The following GOLM1 variants were observed in gnomAD, a reference collection of about 807,000 sequenced individuals.
GOLM1 encodes the protein golgi membrane protein 1.
In GOLM1, 31 loss-of-function variants were observed where a neutral mutation model predicts 50.5. The ratio of observed to expected loss-of-function variants is 0.61; its 90% CI spans 0.46 to 0.83. The LOEUF is 0.83. Ranked by LOEUF, GOLM1 falls within the 40% of genes least tolerant of loss-of-function variation. GOLM1 has a pLI of 0.00. For missense variants in GOLM1, 491 were observed against 501.3 expected (o/e 0.98, Z 0.20); for synonymous variants, 178 against 192.8 (o/e 0.92, Z 0.64).
At chr9:86,051,025 A>G (rs1036613955) in intron 4 of GOLM1, among the ~76,000 whole-genome samples, 4 of 152,112 alleles carry the variant, frequency 2.6e-5, no homozygotes, top group Admixed American at 6.5e-5. Context: ...CCCTCTATGC[A>G]CTGCCTTAAA....
intron 4 of GOLM1, among the ~76,000 whole-genome samples, chr9:86,050,951 G>A (rs10868364): frequency 0.3 from 45,280 of 151,890 alleles, 9,307 homozygotes; most frequent in African/African-American, 0.59. Context: ...TTTAATTGTG[G>A]TGTTAGGGTG....
At chr9:86,048,118 G>A (rs1185812472) in intron 4 of GOLM1, among the ~76,000 whole-genome samples, 1 of 144,770 alleles carries the variant, frequency 6.9e-6, no homozygotes, top group East Asian at 2.1e-4. Context: ...CTGAGAACAT[G>A]CGGTGTTTGG....
chr9:86,051,243 T>C (rs1163852550), intron 4 of GOLM1, among the ~76,000 whole-genome samples: 1 of 152,184 alleles, frequency 6.6e-6, no homozygotes, highest in Admixed American at 6.5e-5. Context: ...TTGTTATAAT[T>C]GCTGTTCTTT....
intron 1 of GOLM1, among the ~76,000 whole-genome samples, chr9:86,089,663 T>A (rs1197719750): frequency 1.3e-5 from 2 of 152,162 alleles, no homozygotes; most frequent in East Asian, 1.9e-4. Context: ...TCCTCTAAAC[T>A]TTTTTCAAGG....
At chr9:86,076,924 C>T (rs7871899) in intron 3 of GOLM1, among the ~76,000 whole-genome samples, 5,188 of 151,746 alleles carry the variant, frequency 0.034, 276 homozygotes, top group East Asian at 0.27. Flanking sequence ...TTTAAATCTA[C>T]GCAGGATTTG....
chr9:86,082,046 TGAGATGGAGTCTCTC>T (rs1834798534), intron 1 of GOLM1, among the ~76,000 whole-genome samples: 1 of 139,162 alleles, frequency 7.2e-6, no homozygotes, highest in African/African-American at 2.7e-5. Flanking sequence ...TTTTTTTTTT[TGAGATGGAGTCTCTC>T]TCTGTTGCCC....
At position 86,097,119 on chromosome 9, in the gene GOLM1, G is replaced by A. The variant is rs1162206391; in HGVS notation, c.-22+2292C>T. Among the ~76,000 whole-genome samples the A allele has an allele frequency of 2.7e-5, 4 of 150,664 alleles. No homozygotes were observed. In the East Asian group the frequency reaches 7.8e-4, roughly 29 times the overall value. ...TGAGAAATATCTGTGTGAAAGAAAGGAAAGACTCTCTGGAAATTTAAGAAA... is the reference window on the plus strand; with the variant it reads ...TGAGAAATATCTGTGTGAAAGAAAGAAAAGACTCTCTGGAAATTTAAGAAA... On this transcript the variant is annotated intron_variant, in intron 1 of 9. Coordinates refer to ENST00000388712, the MANE Select transcript of GOLM1 (RefSeq NM_016548.4).
rs547325527 is a variant in GOLM1 at position 86,033,675 on chromosome 9, TAA to T, written c.1016-282_1016-281del. ...ACTAACAACCCAAATCTCAATTTTT[TAA>T]AGAGATAATCAACTCAAGATAAAAG... On this transcript the variant is annotated intron_variant, in intron 8 of 9. Coordinates refer to ENST00000388712, the MANE Select transcript of GOLM1 (RefSeq NM_016548.4). Among the ~76,000 whole-genome samples, 28 of 152,300 alleles carry T rather than the reference TAA, an allele frequency of 1.8e-4. No individual in the cohort carries two copies. In the South Asian group the frequency reaches 5.6e-3, roughly 30 times the overall value.
At chr9:86,097,244 G>A (rs569781757) in intron 1 of GOLM1, among the ~76,000 whole-genome samples, 5 of 152,172 alleles carry the variant, frequency 3.3e-5, no homozygotes, top group Non-Finnish European at 7.4e-5. Flanking sequence ...CAGTTTTTGG[G>A]GAGCAAGTGA....
In GOLM1 at chr9:86,079,281, G is replaced by A. The variant is rs1255109875; in HGVS notation, c.40C>T (p.Pro14Ser). The change falls in exon 2 of 10, where the codon CCG becomes TCG. Residue 14 changes from proline to serine, a missense_variant. Coordinates refer to ENST00000388712, the MANE Select transcript of GOLM1 (RefSeq NM_016548.4). ...ACCAGGGCGGCCAGCACGAGGGGCGGCGACTTCATGCTGCGACGCCCGTTT... is the reference window on the plus strand; with the variant it reads ...ACCAGGGCGGCCAGCACGAGGGGCGACGACTTCATGCTGCGACGCCCGTTT... ...LGNGRRSMKS[P>S]PLVLAALVAC... 2 of 1,608,990 alleles carry A rather than the reference G, an allele frequency of 1.2e-6. No individual in the cohort carries two copies. Among genetic ancestry groups the A allele is most frequent in the Non-Finnish European group, 1.7e-6 (2 of 1,176,718 alleles).
In GOLM1 at chr9:86,031,768, C is replaced by CT. The variant is rs1235339466; in HGVS notation, c.1129+1513dup. 5.3e-5 allele frequency among the ~76,000 whole-genome samples: 8 copies of CT among 151,816 alleles called. No individual in the cohort carries two copies. The East Asian group carries it at 1.4e-3, about 26-fold the overall frequency. Reference sequence around the variant, plus strand: ...TAGCCACCACGCCCAGCTGAAGTGTCTATTTCTAAGAACATTCCAATTAAC... The same window carrying CT: ...TAGCCACCACGCCCAGCTGAAGTGTCTTATTTCTAAGAACATTCCAATTAAC... On this transcript the variant is annotated intron_variant, in intron 9 of 9. Coordinates refer to ENST00000388712, the MANE Select transcript of GOLM1 (RefSeq NM_016548.4).
chr9:86,056,512 T>TC, intron 3 of GOLM1, among the ~76,000 whole-genome samples: 1 of 148,844 alleles, frequency 6.7e-6, no homozygotes, highest in Middle Eastern at 3.4e-3. Flanking sequence ...AAATTTTTTT[T>TC]TTTTTTTTTT....
intron 3 of GOLM1, among the ~76,000 whole-genome samples, chr9:86,074,914 GA>G (rs202190972): frequency 2.1e-4 from 31 of 150,140 alleles, no homozygotes; most frequent in South Asian, 4.2e-4. Flanking sequence ...AATTTGGGAG[GA>G]AAAAAAAAAT....
intron 9 of GOLM1, among the ~76,000 whole-genome samples, chr9:86,028,842 CTTTTTTTTTT>C (rs35054627): frequency 1.7e-4 from 18 of 106,822 alleles, no homozygotes; most frequent in Non-Finnish European, 2.6e-4. Context: ...GATAAGGGAA[CTTTTTTTTTT>C]TTTTTTTTTT....
At chr9:86,038,413 G>T (rs1031022992) in intron 6 of GOLM1, among the ~76,000 whole-genome samples, 8 of 152,116 alleles carry the variant, frequency 5.3e-5, no homozygotes, top group Non-Finnish European at 1.2e-4. Context: ...CAGAGCTCCT[G>T]CGGGCATATT....
chr9:86,089,743 A>G (rs1835112961), intron 1 of GOLM1, among the ~76,000 whole-genome samples: 1 of 152,030 alleles, frequency 6.6e-6, no homozygotes, highest in Non-Finnish European at 1.5e-5. Context: ...CCACCTTCTG[A>G]AGCCTACTTC....
chr9:86,074,235 T>TA (rs11333722), intron 3 of GOLM1, among the ~76,000 whole-genome samples: 4,847 of 121,400 alleles, frequency 0.04, 241 homozygotes, highest in East Asian at 0.27. Context: ...TTCTAAGATT[T>TA]AAAAAAAAAA....
chr9:86,035,557 G>A lies in GOLM1; in HGVS notation c.826C>T (p.Arg276Trp), dbSNP rs1404573530. Residue 276 changes from arginine (R) to tryptophan (W), a missense_variant, in exon 8 of 10, where the codon CGG becomes TGG. Arg to Trp is a moderately radical substitution (Grantham distance 101, BLOSUM62 -3). Transcript: ENST00000388712. The part of the protein sequence containing the change: ...QRDRLPQEPG[R>W]EQVVEDRPVG... Reference sequence around the variant, plus strand: ...GGTCTGTCTTCCACCACCTGCTCCCGGCCTGGCTCCTGCGGCAGCCTGTCC... The same window carrying A: ...GGTCTGTCTTCCACCACCTGCTCCCAGCCTGGCTCCTGCGGCAGCCTGTCC... 3.1e-6 allele frequency: 5 copies of A among 1,610,218 alleles called. No individual in the cohort carries two copies. Among genetic ancestry groups the A allele is most frequent in the Admixed American group, 1.7e-5 (1 of 59,944 alleles).
chr9:86,079,057 A>T (rs767190857), intron 2 of GOLM1, 135 bp downstream of exon 2: 1 of 736,954 alleles, frequency 1.4e-6, no homozygotes, highest in South Asian at 2.5e-5. Context: ...CAGAGCCCTA[A>T]ACTCACCTTA....
Sources: allele counts gnomAD v4.1 joint callset (sites outside exome capture counted in the v4.1 genomes callset), GRCh38; gene constraint gnomAD v4.1.1; transcripts MANE v1.5; gene names NCBI Gene and HGNC (gene_info 2026-07-23, HGNC 2026-07-21).